The following AFF2 variants were observed in gnomAD, a reference collection of about 807,000 sequenced individuals.
AFF2 encodes the protein AF4/FMR2 family member 2.
Under a neutral mutation model 76.9 loss-of-function variants are expected in AFF2, and 14 were observed. The observed-to-expected ratio is 0.18, with a 90% CI of 0.12 to 0.28. The LOEUF is 0.28. Ranked by LOEUF, AFF2 falls within the 10% of genes least tolerant of loss-of-function variation. The pLI is 1.00. For synonymous variants in AFF2, 398 were observed against 366.7 expected, an observed-to-expected ratio of 1.09 and a Z score of -0.98; for missense variants, 868 against 1,001.1, an observed-to-expected ratio of 0.87 and a Z score of 1.79.
intron 1 of AFF2, among the ~76,000 whole-genome samples, chrX:148,515,363 A>C (rs1557233670): frequency 8.9e-6 from 1 of 112,384 alleles, no homozygotes; most frequent in African/African-American, 3.2e-5. Flanking sequence ...ATGAAATGAA[A>C]AGACACTAGC....
chrX:148,585,127 G>A (rs980076552), intron 1 of AFF2, among the ~76,000 whole-genome samples: 4 of 111,678 alleles, frequency 3.6e-5, no homozygotes, highest in Admixed American at 9.5e-5. Flanking sequence ...TGGATTGATC[G>A]GGGAATGTCT....
intron 3 of AFF2, among the ~76,000 whole-genome samples, chrX:148,798,504 G>T (rs1371340627): frequency 8.9e-6 from 1 of 112,247 alleles, no homozygotes; most frequent in Non-Finnish European, 1.9e-5. Context: ...TCCTTTACAT[G>T]AACAGATTTT....
intron 1 of AFF2, among the ~76,000 whole-genome samples, chrX:148,536,087 T>C (rs1557236549): frequency 9.1e-6 from 1 of 109,360 alleles, no homozygotes; most frequent in African/African-American, 3.3e-5. Context: ...GGCATGGTGG[T>C]GCGCCCCTGC....
At chrX:148,686,323 C>T (rs1237564672) in intron 3 of AFF2, among the ~76,000 whole-genome samples, 3 of 111,353 alleles carry the variant, frequency 2.7e-5, no homozygotes, top group South Asian at 3.8e-4. Context: ...AGAGAGATGC[C>T]GTAATTGACA....
intron 1 of AFF2, among the ~76,000 whole-genome samples, chrX:148,627,469 T>G (rs2053938143): frequency 9.0e-6 from 1 of 111,253 alleles, no homozygotes; most frequent in African/African-American, 3.3e-5. Flanking sequence ...GAGGGGCAAA[T>G]TTAGGAGATG....
intron 1 of AFF2, among the ~76,000 whole-genome samples, chrX:148,523,891 G>A (rs782523922): frequency 1.8e-5 from 2 of 111,333 alleles, no homozygotes; most frequent in African/African-American, 6.5e-5. Flanking sequence ...GAGGAGAATG[G>A]TTGAAGAGAG....
chrX:148,944,656 T>C (rs1220247794), intron 9 of AFF2, among the ~76,000 whole-genome samples: 2 of 111,285 alleles, frequency 1.8e-5, no homozygotes, highest in Non-Finnish European at 3.8e-5. Flanking sequence ...AACCGAAATA[T>C]CAGCTTATTC....
intron 1 of AFF2, among the ~76,000 whole-genome samples, chrX:148,516,608 A>C (rs1311590977): frequency 9.0e-6 from 1 of 111,645 alleles, no homozygotes; most frequent in Non-Finnish European, 1.9e-5. Flanking sequence ...ATAAACTATT[A>C]ATACTTCCAG....
chrX:148,664,103 C>T (rs1196893692), intron 3 of AFF2, among the ~76,000 whole-genome samples: 3 of 111,185 alleles, frequency 2.7e-5, no homozygotes, highest in African/African-American at 9.8e-5. Context: ...TGACTGGTCT[C>T]CTTCCCTCTA....
At chrX:148,725,373 G>C (rs782174232) in intron 3 of AFF2, among the ~76,000 whole-genome samples, 3 of 110,860 alleles carry the variant, frequency 2.7e-5, no homozygotes, top group Non-Finnish European at 5.7e-5. Context: ...ATTTGGTCTG[G>C]AAGATCAGGT....
chrX:148,696,122 C>T (rs2054719254), intron 3 of AFF2, among the ~76,000 whole-genome samples: 1 of 111,835 alleles, frequency 8.9e-6, no homozygotes, highest in African/African-American at 3.3e-5. Context: ...GCCATTAGAA[C>T]AAACTCCAGA....
At chrX:148,862,893 T>C (rs1327244508) in intron 7 of AFF2, among the ~76,000 whole-genome samples, 1 of 112,288 alleles carries the variant, frequency 8.9e-6, no homozygotes, top group Non-Finnish European at 1.9e-5. Flanking sequence ...TAGCAGATAA[T>C]TATTTGATTG....
chrX:148,967,127 G>C, intron 14 of AFF2, 48 bp downstream of exon 14: 1 of 1,189,761 alleles, frequency 8.4e-7, no homozygotes, highest in Non-Finnish European at 1.1e-6. Context: ...GTGAATGGGG[G>C]GTGGGGGTAG....
rs1557263424 is a variant in AFF2 at position 148,717,171 on chromosome X, C to T, written c.1041+54403C>T. Among the ~76,000 whole-genome samples, 3 of 111,836 alleles carry T rather than the reference C, an allele frequency of 2.7e-5. No individual in the cohort carries two copies. In the East Asian group the frequency reaches 8.5e-4, roughly 32 times the overall value. ...AAGTGGAAACATCTCAAATCTCCAT[C>T]AATGGACAAACGAATACACAAAATA... On this transcript the variant is annotated intron_variant, in intron 3 of 20. Coordinates refer to ENST00000370460, the MANE Select transcript of AFF2 (RefSeq NM_002025.4).
Position 148,887,155 on chromosome X carries a change from G to C in AFF2, c.1359+1170G>C, listed in dbSNP as rs183862528. On this transcript the variant is annotated intron_variant, in intron 8 of 20. Transcript: ENST00000370460. ...CTTTGCAAGTTTAGTGCTTTATCAA[G>C]AACAACCACAGGGTAAGTGCAGACT... 1.5e-3 allele frequency among the ~76,000 whole-genome samples: 174 copies of C among 112,735 alleles called. 1 individual carries two copies. Among genetic ancestry groups the C allele is most frequent in the African/African-American group, 5.6e-3 (173 of 31,068 alleles).
At chrX:148,616,249 T>G (rs1364382544) in intron 1 of AFF2, among the ~76,000 whole-genome samples, 11 of 111,841 alleles carry the variant, frequency 9.8e-5, no homozygotes, top group African/African-American at 3.6e-4. Context: ...AATCTTCCAT[T>G]TACTAGCCGT....
intron 7 of AFF2, among the ~76,000 whole-genome samples, chrX:148,857,804 G>A (rs782696068): frequency 6.3e-5 from 7 of 111,319 alleles, no homozygotes; most frequent in African/African-American, 2.3e-4. Flanking sequence ...TAGAATAATA[G>A]GAGGTGTTCC....
intron 3 of AFF2, among the ~76,000 whole-genome samples, chrX:148,682,359 A>G (rs782609129): frequency 9.0e-6 from 1 of 111,460 alleles, no homozygotes; most frequent in South Asian, 3.8e-4. Context: ...GACATCTACA[A>G]TCCTTTGAAT....
At position 148,893,389 on chromosome X, in the gene AFF2, C is replaced by A. The variant is rs781950318; in HGVS notation, c.1359+7404C>A. Among the ~76,000 whole-genome samples, 5 of 111,147 alleles carry A rather than the reference C, an allele frequency of 4.5e-5. No individual in the cohort carries two copies. In the South Asian group the frequency reaches 1.9e-3, roughly 42 times the overall value. On this transcript the variant is annotated intron_variant, in intron 8 of 20. Coordinates refer to ENST00000370460, the MANE Select transcript of AFF2 (RefSeq NM_002025.4). ...CTGAATTTTTTTATTACAATTAGGT[C>A]TTCTCCTTCAGTACCAATTTTTTTG...
Sources: gnomAD v4.1 joint callset for allele counts (sites outside exome capture counted in the v4.1 genomes callset) on GRCh38, gnomAD v4.1.1 for gene constraint, MANE v1.5 for transcripts, NCBI Gene and HGNC (gene_info 2026-07-23, HGNC 2026-07-21) for gene names.